DOCK4: variants seen among roughly 807,000 people sequenced by gnomAD.
DOCK4 encodes dedicator of cytokinesis 4.
Under a neutral mutation model 268.1 loss-of-function variants are expected in DOCK4, and 97 were observed. The observed-to-expected ratio is 0.36, with a 90% confidence interval of 0.31 to 0.43. The LOEUF (loss-of-function observed/expected upper bound fraction) is 0.43. Among genes scored for constraint, DOCK4 ranks in the 20% least tolerant of loss-of-function variants. The pLI is 1.00. For missense variants in DOCK4, 2,145 were observed against 2,455.7 expected, an observed-to-expected ratio of 0.87 and a Z score of 2.67; for synonymous variants, 954 against 887.2, an observed-to-expected ratio of 1.08 and a Z score of -1.34.
intron 1 of DOCK4, among the ~76,000 whole-genome samples, chr7:112,101,388 T>C (rs1292019358): frequency 1.3e-5 from 2 of 152,248 alleles, no homozygotes; most frequent in Admixed American, 1.3e-4. Context: ...ATATATGCTA[T>C]AAAGAAGAAA....
intron 1 of DOCK4, among the ~76,000 whole-genome samples, chr7:112,165,557 T>TGCGC (rs1412351553): frequency 1.4e-4 from 20 of 141,070 alleles, no homozygotes; most frequent in Admixed American, 2.9e-4. Context: ...TGTGTGTGTG[T>TGCGC]GTGCGTGTGT....
intron 30 of DOCK4, among the ~76,000 whole-genome samples, chr7:111,795,914 T>C (rs1393329141): frequency 6.6e-6 from 1 of 152,180 alleles, no homozygotes; most frequent in Non-Finnish European, 1.5e-5. Flanking sequence ...ATAGAGGGCT[T>C]TGTATCAACT....
chr7:112,155,664 G>C (rs2560660), intron 1 of DOCK4, among the ~76,000 whole-genome samples: 1,672 of 152,258 alleles, frequency 0.011, 26 homozygotes, highest in African/African-American at 0.039. Flanking sequence ...CCAGACTGTG[G>C]ACAGTGTGGA....
intron 1 of DOCK4, among the ~76,000 whole-genome samples, chr7:112,110,271 A>C (rs1299130630): frequency 6.6e-6 from 1 of 152,226 alleles, no homozygotes; most frequent in African/African-American, 2.4e-5. Context: ...TGCAGAATTC[A>C]ATTTTGATTA....
chr7:111,923,539 A>G (rs983232265), intron 12 of DOCK4, among the ~76,000 whole-genome samples: 2 of 152,148 alleles, frequency 1.3e-5, no homozygotes, highest in African/African-American at 4.8e-5. Context: ...TATCCTGCTT[A>G]TAACTTTCAC....
In DOCK4 at chr7:111,863,475, G is replaced by A. The variant is rs1175189253; in HGVS notation, c.2370C>T (p.Thr790=). 3 of 1,613,910 alleles carry A rather than the reference G, an allele frequency of 1.9e-6. No individual in the cohort carries two copies. The highest frequency in any genetic ancestry group is 2.5e-6 in the Non-Finnish European group (3 of 1,179,894). Residue 790 remains threonine, a synonymous_variant, in exon 23 of 53, where the codon ACC becomes ACT. Transcript: ENST00000428084. The part of the protein sequence containing the change: ...VREVANLVQD[T]LGSLPTILHV... ...GCAGGATGGTCGGCAGACTGCCCAGGGTGTCCTGGACCAAGTTGGCTACTT... is the reference window on the plus strand; with the variant it reads ...GCAGGATGGTCGGCAGACTGCCCAGAGTGTCCTGGACCAAGTTGGCTACTT...
intron 16 of DOCK4, among the ~76,000 whole-genome samples, chr7:111,891,051 A>C (rs1009774006): frequency 6.6e-6 from 1 of 152,194 alleles, no homozygotes; most frequent in Non-Finnish European, 1.5e-5. Context: ...TGTTCCTTCA[A>C]AACCTTACCA....
At position 111,918,388 on chromosome 7, in the gene DOCK4, A is replaced by G. The variant is rs1353306555; in HGVS notation, c.1067-2484T>C. On this transcript the variant is annotated intron_variant, in intron 12 of 52. Coordinates refer to ENST00000428084, the MANE Select transcript of DOCK4 (RefSeq NM_001363540.2). The stretch of plus-strand genomic sequence containing the variant: ...CCATTCACTCTGAGTTAGGTGACCG[A>G]TGACAATAAAATGGAGAGTGTCTGT... Among the ~76,000 whole-genome samples the G allele has an allele frequency of 4.6e-5, 7 of 152,334 alleles. No individual in the cohort carries two copies. The East Asian group carries it at 1.3e-3, about 29-fold the overall frequency.
Position 111,863,506 on chromosome 7 carries a change from A to G in DOCK4, c.2339T>C (p.Val780Ala). ...CTGGACCAAGTTGGCTACTTCCCGG[A>G]CATCAAAGAGCTTCAACAGTTCTGA... ...VYSELLKLFD[V>A]REVANLVQDT... Residue 780 changes from valine (V) to alanine (A), a missense_variant, in exon 23 of 53, where the codon GTC becomes GCC. Val to Ala is a moderately conservative substitution (Grantham distance 64). Coordinates refer to ENST00000428084, the MANE Select transcript of DOCK4 (RefSeq NM_001363540.2). 1 of 1,613,876 alleles carries G rather than the reference A, an allele frequency of 6.2e-7. No homozygotes were observed. The highest frequency in any genetic ancestry group is 1.1e-5 in the South Asian group (1 of 91,046).
At chr7:112,033,825 A>C (rs573952667) in intron 1 of DOCK4, among the ~76,000 whole-genome samples, 22 of 152,358 alleles carry the variant, frequency 1.4e-4, no homozygotes, top group Admixed American at 5.9e-4. Flanking sequence ...AATAAGTCTT[A>C]AGAGAACTAG....
At chr7:111,731,019 T>A (rs1795047831) in intron 52 of DOCK4, among the ~76,000 whole-genome samples, 1 of 152,166 alleles carries the variant, frequency 6.6e-6, no homozygotes, top group African/African-American at 2.4e-5. Context: ...GAGCTCTGTG[T>A]GAGTAAGGGC....
At chr7:111,871,607 T>C (rs1806435874) in intron 20 of DOCK4, among the ~76,000 whole-genome samples, 1 of 152,200 alleles carries the variant, frequency 6.6e-6, no homozygotes, top group Non-Finnish European at 1.5e-5. Context: ...AAGGAAAAGG[T>C]TGTTTTCCAT....
At chr7:111,815,865 T>A (rs905843808) in intron 27 of DOCK4, among the ~76,000 whole-genome samples, 23 of 152,084 alleles carry the variant, frequency 1.5e-4, no homozygotes, top group Non-Finnish European at 2.6e-4. Context: ...AAAATGGGGT[T>A]TTGCCATGTT....
chr7:111,969,521 G>A (rs1372364665), intron 8 of DOCK4, among the ~76,000 whole-genome samples: 3 of 151,584 alleles, frequency 2.0e-5, no homozygotes, highest in East Asian at 1.9e-4. Flanking sequence ...AAACTGTCTA[G>A]AGACTAAGTG....
chr7:111,866,157 C>A (rs1276116963), intron 22 of DOCK4, among the ~76,000 whole-genome samples: 1 of 152,176 alleles, frequency 6.6e-6, no homozygotes. Context: ...ACTAACACAT[C>A]GGATCCATTG....
intron 1 of DOCK4, among the ~76,000 whole-genome samples, chr7:112,129,369 C>G (rs1168689187): frequency 6.6e-6 from 1 of 152,068 alleles, no homozygotes; most frequent in African/African-American, 2.4e-5. Flanking sequence ...GGCCAGGGAA[C>G]AGTGGAGGGA....
chr7:112,049,458 G>A (rs1308540015), intron 1 of DOCK4, among the ~76,000 whole-genome samples: 1 of 151,978 alleles, frequency 6.6e-6, no homozygotes, highest in Non-Finnish European at 1.5e-5. Flanking sequence ...AAAGAAGACA[G>A]AAAAAGAAGA....
chr7:112,119,788 A>AT (rs1257771565), intron 1 of DOCK4, among the ~76,000 whole-genome samples: 1 of 152,000 alleles, frequency 6.6e-6, no homozygotes, highest in Non-Finnish European at 1.5e-5. Context: ...CGTAAGGATT[A>AT]TACAAAGGCA....
intron 1 of DOCK4, among the ~76,000 whole-genome samples, chr7:112,046,615 C>T (rs1368752785): frequency 1.3e-5 from 2 of 152,130 alleles, no homozygotes; most frequent in Non-Finnish European, 2.9e-5. Context: ...GCCATGATCT[C>T]ATTACTGCAC....
Sources: gnomAD v4.1 joint callset for allele counts (sites outside exome capture counted in the v4.1 genomes callset) on GRCh38, gnomAD v4.1.1 for gene constraint, MANE v1.5 for transcripts, NCBI Gene and HGNC (gene_info 2026-07-23, HGNC 2026-07-21) for gene names.